KPNA4: variants seen among roughly 807,000 people sequenced by gnomAD.
The protein encoded by KPNA4 is karyopherin subunit alpha 4, also known as importin subunit alpha-3.
A neutral mutation model predicts 71.3 loss-of-function variants in KPNA4; 13 were observed. The ratio of observed to expected loss-of-function variants is 0.18; its 90% CI spans 0.12 to 0.29. The LOEUF is 0.29. KPNA4 is among the 10% of genes least tolerant of loss of function. KPNA4 has a pLI of 1.00. For synonymous variants in KPNA4, 189 were observed against 195.2 expected (o/e 0.97, Z 0.26); for missense variants, 334 against 603.2 (o/e 0.55, Z 4.67).
intron 13 of KPNA4, 108 bp from the exon 14 acceptor site, chr3:160,509,979 A>G (rs551567086): frequency 3.6e-5 from 27 of 742,910 alleles, no homozygotes; most frequent in Non-Finnish European, 5.7e-5. Flanking sequence ...GTCTCCTTTT[A>G]GTCTTTCTGT....
intron 15 of KPNA4, among the ~76,000 whole-genome samples, chr3:160,505,421 T>C (rs1311489844): frequency 1.3e-5 from 2 of 152,208 alleles, no homozygotes; most frequent in African/African-American, 4.8e-5. Context: ...CAAGTTTTTC[T>C]AGTGAGCACG....
chr3:160,563,893 C>T (rs185858448), intron 1 of KPNA4, among the ~76,000 whole-genome samples: 2 of 152,068 alleles, frequency 1.3e-5, no homozygotes, highest in East Asian at 3.9e-4. Context: ...GACACTTAGT[C>T]GTCCCTCAAA....
At chr3:160,529,334 A>G (rs565444684) in intron 7 of KPNA4, among the ~76,000 whole-genome samples, 15 of 151,910 alleles carry the variant, frequency 9.9e-5, no homozygotes, top group African/African-American at 3.6e-4. Context: ...CATACATAAC[A>G]GAAAGGAAAA....
At chr3:160,522,899 C>G (rs1168928853) in intron 10 of KPNA4, among the ~76,000 whole-genome samples, 1 of 141,768 alleles carries the variant, frequency 7.1e-6, no homozygotes, top group Non-Finnish European at 1.5e-5. Context: ...AAAAAAAAAG[C>G]CTGTGTAATC....
intron 5 of KPNA4, among the ~76,000 whole-genome samples, chr3:160,533,565 T>C (rs893692667): frequency 6.6e-6 from 1 of 152,146 alleles, no homozygotes; most frequent in Non-Finnish European, 1.5e-5. Flanking sequence ...TCACTGAGGA[T>C]ATTTTAGAAG....
At chr3:160,502,231 ATAAT>A (rs750039468) in intron 16 of KPNA4, 29 bp from the exon 17 acceptor site, 2 of 1,265,222 alleles carry the variant, frequency 1.6e-6, no homozygotes, top group South Asian at 2.9e-5. Context: ...AAAGAATGTG[ATAAT>A]TAGTTTTAAA....
chr3:160,511,721 T>C (rs1023436783), intron 13 of KPNA4, among the ~76,000 whole-genome samples: 50 of 149,258 alleles, frequency 3.3e-4, no homozygotes, highest in Non-Finnish European at 1.0e-4. Flanking sequence ...TTTTTATATA[T>C]ATATATATAA....
intron 15 of KPNA4, among the ~76,000 whole-genome samples, chr3:160,506,030 G>A (rs1720975830): frequency 6.6e-6 from 1 of 152,072 alleles, no homozygotes; most frequent in Non-Finnish European, 1.5e-5. Context: ...GAAAGCCCAA[G>A]TTCCCCTTTC....
chr3:160,564,695 G>A (rs1722304498), intron 1 of KPNA4: 1 of 152,148 alleles, frequency 6.6e-6, no homozygotes, highest in South Asian at 2.1e-4. Flanking sequence ...GGGAAGACCA[G>A]AAAAAATGCC....
chr3:160,500,409 T>C lies in KPNA4; in HGVS notation c.*1695A>G, dbSNP rs967248618. The C allele has an allele frequency of 6.6e-6, 1 of 152,660 alleles. No individual in the cohort carries two copies. Among genetic ancestry groups the C allele is most frequent in the Non-Finnish European group, 1.5e-5 (1 of 68,012 alleles). 9.5% of individuals were successfully genotyped at this position (152,660 alleles called of 1,614,324 possible). ...TTGATTTTTAAACACAAAGTAGATATAGATGCTAATGGTGGCTAATCTGGT... is the reference window on the plus strand; with the variant it reads ...TTGATTTTTAAACACAAAGTAGATACAGATGCTAATGGTGGCTAATCTGGT... On this transcript the variant is annotated 3_prime_UTR_variant, in exon 17 of 17. Transcript: ENST00000334256.
intron 6 of KPNA4, 150 bp downstream of exon 6, chr3:160,531,312 C>G (rs1191670873): frequency 2.1e-6 from 1 of 474,726 alleles, no homozygotes; most frequent in Non-Finnish European, 3.7e-6. Context: ...TTGGTGTTAA[C>G]AAACCTTGCA....
intron 1 of KPNA4, among the ~76,000 whole-genome samples, chr3:160,548,831 A>G (rs1207261267): frequency 6.6e-6 from 1 of 152,176 alleles, no homozygotes; most frequent in African/African-American, 2.4e-5. Flanking sequence ...GGGTCATATA[A>G]TAATTCTATT....
intron 5 of KPNA4, among the ~76,000 whole-genome samples, chr3:160,532,577 A>G (rs1721595323): frequency 6.6e-6 from 1 of 152,198 alleles, no homozygotes; most frequent in Non-Finnish European, 1.5e-5. Flanking sequence ...CCTAGTGTCT[A>G]TTTTCACATG....
intron 11 of KPNA4, 109 bp downstream of exon 11, chr3:160,521,670 G>T: frequency 1.0e-6 from 1 of 960,378 alleles, no homozygotes; most frequent in Non-Finnish European, 1.6e-6. Context: ...CAGATTTGTT[G>T]TTATGCTAAG....
At chr3:160,555,454 T>C (rs1376432171) in intron 1 of KPNA4, among the ~76,000 whole-genome samples, 1 of 152,198 alleles carries the variant, frequency 6.6e-6, no homozygotes, top group African/African-American at 2.4e-5. Flanking sequence ...AAGCTGCAGA[T>C]AGTACTGAAC....
intron 1 of KPNA4, among the ~76,000 whole-genome samples, chr3:160,548,206 G>GT (rs1213971950): frequency 6.3e-4 from 95 of 151,012 alleles, no homozygotes; most frequent in Non-Finnish European, 6.5e-4. Flanking sequence ...AGTGCTCTGG[G>GT]TTTTTTTTTG....
chr3:160,511,198 T>A (rs324450), intron 13 of KPNA4, among the ~76,000 whole-genome samples: 1 of 152,116 alleles, frequency 6.6e-6, no homozygotes, highest in African/African-American at 2.4e-5. Flanking sequence ...CTCTGCCTCC[T>A]GGGTTCACAC....
At position 160,497,026 on chromosome 3, in the gene KPNA4, A is replaced by T. The variant is rs1720777842; in HGVS notation, c.*5078T>A. 6.6e-6 allele frequency: 1 copy of T among 152,222 alleles called. No individual in the cohort carries two copies. Among genetic ancestry groups the T allele is most frequent in the African/African-American group, 2.4e-5 (1 of 41,458 alleles). 9.4% of individuals were successfully genotyped at this position (152,222 alleles called of 1,614,324 possible). On this transcript the variant is annotated 3_prime_UTR_variant, in exon 17 of 17. Coordinates refer to ENST00000334256, the MANE Select transcript of KPNA4 (RefSeq NM_002268.5). ...TTTCTTATACATGATTGGTGTGCTT[A>T]GTTTTTTATCAATTTGACACTACAG...
At chr3:160,514,034 C>T (rs772954412) in intron 13 of KPNA4, 43 bp downstream of exon 13, 2 of 1,152,258 alleles carry the variant, frequency 1.7e-6, no homozygotes, top group Non-Finnish European at 2.4e-6. Context: ...AATCCCCTTC[C>T]CCTTACATCA....
Sources: allele counts gnomAD v4.1 joint callset (sites outside exome capture counted in the v4.1 genomes callset), GRCh38; gene constraint gnomAD v4.1.1; transcripts MANE v1.5; gene names NCBI Gene and HGNC (gene_info 2026-07-23, HGNC 2026-07-21).